The following UNC13C variants were observed in gnomAD, a reference collection of about 807,000 sequenced individuals.
UNC13C encodes the protein protein unc-13 homolog C.
UNC13C carries 174 observed loss-of-function variants against 245.4 expected under a neutral mutation model. The ratio of observed to expected loss-of-function variants is 0.71; its 90% CI spans 0.63 to 0.80. The LOEUF is 0.80. Ranked by LOEUF, UNC13C falls within the 30% of genes least tolerant of loss-of-function variation. The pLI, the probability that UNC13C is intolerant of heterozygous loss-of-function variation, is 0.00. For synonymous variants in UNC13C, 992 were observed against 895.1 expected (o/e 1.11, Z -1.93); for missense variants, 2,829 against 2,602.9 (o/e 1.09, Z -1.89).
In UNC13C at chr15:54,463,488, G is replaced by A. The variant is rs112089311; in HGVS notation, c.4934-31120G>A. 5.0e-3 allele frequency among the ~76,000 whole-genome samples: 758 copies of A among 151,928 alleles called. 4 individuals carry two copies. Among genetic ancestry groups the A allele is most frequent in the African/African-American group, 0.017 (707 of 41,460 alleles). On this transcript the variant is annotated intron_variant, in intron 19 of 32. Transcript: ENST00000260323. ...TCACTCCTGAGGCCAGCAAGACCAC[G>A]AACCCACTGGGAGGAATGAGCAACT...
At chr15:54,056,489 G>T (rs373488587) in intron 2 of UNC13C, among the ~76,000 whole-genome samples, 2 of 152,196 alleles carry the variant, frequency 1.3e-5, no homozygotes, top group African/African-American at 4.8e-5. Flanking sequence ...TCTAATTGGT[G>T]TACCTGAAAG....
intron 1 of UNC13C, among the ~76,000 whole-genome samples, chr15:54,009,336 T>G (rs1415288760): frequency 1.3e-5 from 2 of 152,200 alleles, no homozygotes; most frequent in African/African-American, 4.8e-5. Flanking sequence ...ATTAGTCTTC[T>G]GTAATTGCTT....
chr15:53,973,805 A>T (rs1412441506), upstream of UNC13C, among the ~76,000 whole-genome samples: 1 of 152,166 alleles, frequency 6.6e-6, no homozygotes, highest in African/African-American at 2.4e-5. Context: ...ACATCAAATG[A>T]TATCTATCCA....
intron 25 of UNC13C, among the ~76,000 whole-genome samples, chr15:54,526,740 G>GAAAAAAAAAAAA (rs1164016477): frequency 1.6e-5 from 1 of 63,096 alleles, no homozygotes. Context: ...ACTCCGTCTA[G>GAAAAAAAAAAAA]AAAAAAAAAA....
chr15:54,369,915 TA>T (rs1418652342), intron 17 of UNC13C, among the ~76,000 whole-genome samples: 1 of 152,114 alleles, frequency 6.6e-6, no homozygotes, highest in Non-Finnish European at 1.5e-5. Flanking sequence ...AATCTCTGGT[TA>T]GTTAGGGATC....
At chr15:54,223,286 A>C (rs895756029) in intron 4 of UNC13C, among the ~76,000 whole-genome samples, 3 of 152,026 alleles carry the variant, frequency 2.0e-5, no homozygotes, top group Non-Finnish European at 4.4e-5. Flanking sequence ...GAGGGATAGG[A>C]GTCTAGTTTT....
chr15:53,948,865 A>T, the UNC13C span, among the ~76,000 whole-genome samples: 2 of 152,082 alleles, frequency 1.3e-5, no homozygotes, highest in Non-Finnish European at 2.9e-5. Flanking sequence ...AGGCAGAAGA[A>T]TGAGAAATGA....
intron 4 of UNC13C, among the ~76,000 whole-genome samples, chr15:54,150,373 A>G (rs576761699): frequency 1.3e-5 from 2 of 152,246 alleles, no homozygotes; most frequent in Admixed American, 6.5e-5. Flanking sequence ...GACTTCAGGG[A>G]GTACGCCTAA....
chr15:54,531,031 G>A (rs1566891460), intron 25 of UNC13C, among the ~76,000 whole-genome samples: 3 of 152,162 alleles, frequency 2.0e-5, no homozygotes, highest in African/African-American at 4.8e-5. Context: ...TGGGAGGATG[G>A]TAAAGGGGTC....
intron 13 of UNC13C, among the ~76,000 whole-genome samples, chr15:54,313,235 T>G (rs2037921044): frequency 1.3e-5 from 2 of 151,870 alleles, no homozygotes; most frequent in South Asian, 4.1e-4. Flanking sequence ...CAGTGTTAAC[T>G]GCTAAGTACT....
At chr15:54,354,526 C>G (rs986245310) in intron 17 of UNC13C, among the ~76,000 whole-genome samples, 8 of 152,150 alleles carry the variant, frequency 5.3e-5, no homozygotes, top group African/African-American at 1.7e-4. Flanking sequence ...AAAGCATCTT[C>G]CAGGTATTTG....
intron 2 of UNC13C, among the ~76,000 whole-genome samples, chr15:54,125,682 T>C (rs891032741): frequency 6.6e-6 from 1 of 152,218 alleles, no homozygotes; most frequent in African/African-American, 2.4e-5. Context: ...TATTTGTTTA[T>C]TTTTCCTTAG....
At chr15:53,989,131 G>C (rs17633423) in intron 1 of UNC13C, among the ~76,000 whole-genome samples, 3,367 of 151,958 alleles carry the variant, frequency 0.022, 53 homozygotes, top group Non-Finnish European at 0.037. Flanking sequence ...AGGAAATTGA[G>C]CTGTCTCTCT....
At chr15:54,074,755 T>G (rs544801708) in intron 2 of UNC13C, among the ~76,000 whole-genome samples, 1 of 152,334 alleles carries the variant, frequency 6.6e-6, no homozygotes, top group East Asian at 1.9e-4. Flanking sequence ...AAGTTGCTTA[T>G]GACCTTATGG....
Position 54,013,019 on chromosome 15 carries a change from A to G in UNC13C, c.116A>G (p.Lys39Arg), listed in dbSNP as rs750846653. 9 of 1,613,784 alleles carry G rather than the reference A, an allele frequency of 5.6e-6. No homozygotes were observed. In the Admixed American group the frequency reaches 8.3e-5, roughly 15 times the overall value. ...AAAAACAAAGAGTATCGTCAGCAGA[A>G]AAAGGATCAAGACTTCCCCACTGCT... The part of the protein sequence containing the change: ...TNKNKEYRQQ[K>R]KDQDFPTAGQ... Residue 39 changes from lysine (K) to arginine (R), a missense_variant, in exon 2 of 33, where the codon AAA becomes AGA. By Grantham distance (26) the Lys-to-Arg change is conservative (BLOSUM62 2). Coordinates refer to ENST00000260323, the MANE Select transcript of UNC13C (RefSeq NM_001080534.3).
the UNC13C span, among the ~76,000 whole-genome samples, chr15:53,858,414 T>C: frequency 6.7e-6 from 1 of 150,206 alleles, no homozygotes; most frequent in Non-Finnish European, 1.5e-5. Context: ...TTTTTTTTTG[T>C]TTTGTTTTTG....
chr15:54,007,709 T>G (rs1334526156), intron 1 of UNC13C, among the ~76,000 whole-genome samples: 1 of 152,188 alleles, frequency 6.6e-6, no homozygotes, highest in African/African-American at 2.4e-5. Flanking sequence ...CAAACCAGCA[T>G]GGCACACATT....
At chr15:54,170,808 G>A (rs190391374) in intron 4 of UNC13C, among the ~76,000 whole-genome samples, 3 of 152,166 alleles carry the variant, frequency 2.0e-5, no homozygotes, top group East Asian at 1.9e-4. Context: ...TCATTCTTTC[G>A]CAGATACCTA....
At chr15:54,149,437 C>T (rs1021866362) in intron 4 of UNC13C, among the ~76,000 whole-genome samples, 4 of 152,088 alleles carry the variant, frequency 2.6e-5, no homozygotes, top group African/African-American at 7.3e-5. Context: ...GTAAACAGGG[C>T]CCACTTTCAT....
Sources: allele counts gnomAD v4.1 joint callset (sites outside exome capture counted in the v4.1 genomes callset), GRCh38; gene constraint gnomAD v4.1.1; transcripts MANE v1.5; gene names NCBI Gene and HGNC (gene_info 2026-07-23, HGNC 2026-07-21).